Variants in UNC119 observed in about 807,000 individuals in gnomAD.
UNC119 encodes the protein unc-119 lipid binding chaperone.
A neutral mutation model predicts 22.6 loss-of-function variants in UNC119; 15 were observed. The observed-to-expected ratio is 0.66, with a 90% CI of 0.44 to 1.02. UNC119 has a LOEUF of 1.02. Ranked by LOEUF, UNC119 falls within the 50% of genes least tolerant of loss-of-function variation. The pLI is 0.00. For synonymous variants in UNC119, 138 were observed against 139.4 expected (o/e 0.99, Z 0.07); for missense variants, 322 against 336.0 (o/e 0.96, Z 0.33).
In UNC119 at chr17:28,552,348, C is replaced by G; in HGVS notation, c.210G>C (p.Arg70=). 1 of 1,536,766 alleles carries G rather than the reference C, an allele frequency of 6.5e-7. No individual in the cohort carries two copies. Among genetic ancestry groups the G allele is most frequent in the African/African-American group, 1.4e-5 (1 of 73,188 alleles). Residue 70 remains arginine (R), a synonymous_variant, in exon 1 of 5, where the codon CGG becomes CGC. Transcript: ENST00000335765. ...CTCGCGGGTGCTCACCACCGGTGAT[C>G]CGCTGCAGCCCCAGCACGTCCTCCG... ...IGPEDVLGLQ[R]ITGDYLCSPE... is the part of the protein sequence containing the mutation.
chr17:28,547,245 C>T lies in UNC119; in HGVS notation c.*52G>A. ...GTTGAGGGGTGAGCGTTGGGGAGGTCACAGCTCCCAGCCCAGAACTGGAGC... is the reference window on the plus strand; with the variant it reads ...GTTGAGGGGTGAGCGTTGGGGAGGTTACAGCTCCCAGCCCAGAACTGGAGC... On this transcript the variant is annotated 3_prime_UTR_variant, in exon 5 of 5. Transcript: ENST00000335765. 2 of 1,608,342 alleles carry T rather than the reference C, an allele frequency of 1.2e-6. No individual in the cohort carries two copies. The highest frequency in any genetic ancestry group is 1.1e-5 in the South Asian group (1 of 90,522).
At position 28,547,991 on chromosome 17, in the gene UNC119, C is replaced by A. The variant is rs370221268; in HGVS notation, c.437+8G>T. Reference sequence around the variant, plus strand: ...ACCCCCACCACCACCCATAGCCCAGCGACTCACGTGGCTCCCACCTGCCTC... The same window carrying A: ...ACCCCCACCACCACCCATAGCCCAGAGACTCACGTGGCTCCCACCTGCCTC... On this transcript the variant is annotated splice_region_variant and intron_variant, in intron 3 of 4. Coordinates refer to ENST00000335765, the MANE Select transcript of UNC119 (RefSeq NM_005148.4). 2.9e-5 allele frequency: 46 copies of A among 1,613,618 alleles called. No homozygotes were observed. The highest frequency in any genetic ancestry group is 4.0e-5 in the African/African-American group (3 of 74,902).
In UNC119 at chr17:28,552,527, C is replaced by A. The variant is rs1374905051; in HGVS notation, c.31G>T (p.Gly11Trp). Residue 11 changes from glycine (G) to tryptophan (W), a missense_variant, in exon 1 of 5, where the codon GGG (glycine) becomes TGG (tryptophan). Physicochemically the swap from Gly to Trp is radical, Grantham distance 184. Coordinates refer to ENST00000335765, the MANE Select transcript of UNC119 (RefSeq NM_005148.4). MKVKKGGGGAGTATESAPGPS... is the reference protein window; with the variant it reads MKVKKGGGGAWTATESAPGPS... ...CCCGGAGCGGACTCCGTCGCCGTCC[C>A]GGCCCCACCGCCGCCCTTCTTCACC... 1.3e-6 allele frequency: 2 copies of A among 1,546,510 alleles called. No homozygotes were observed. Among genetic ancestry groups the A allele is most frequent in the African/African-American group, 2.8e-5 (2 of 70,516 alleles).
Position 28,548,639 on chromosome 17 carries a change from A to G in UNC119, c.287T>C (p.Met96Thr). 1 of 1,614,216 alleles carries G rather than the reference A, an allele frequency of 6.2e-7. No homozygotes were observed. The highest frequency in any genetic ancestry group is 8.5e-7 in the Non-Finnish European group (1 of 1,180,028). ...TTCAAAGAGGACAGTGCCTGAGTCC[A>G]TGTCCCGAATCTTAAACCTGACAAA... is the stretch of plus-strand genomic sequence containing the variant. ...IDFVRFKIRD[M>T]DSGTVLFEIK... The change falls in exon 2 of 5, where the codon ATG becomes ACG. Residue 96 changes from methionine to threonine, a missense_variant. Met to Thr is a moderately conservative substitution (Grantham distance 81). Transcript: ENST00000335765.
chr17:28,552,304 C>A, intron 1 of UNC119, 34 bp downstream of exon 1: 2 of 1,527,636 alleles, frequency 1.3e-6, no homozygotes, highest in South Asian at 2.4e-5. Context: ...CTCCCCTTCC[C>A]ACCCGCGGGC....
At chr17:28,548,169 CT>C in intron 2 of UNC119, 68 bp from the exon 3 acceptor site, 1 of 1,482,908 alleles carries the variant, frequency 6.7e-7, no homozygotes, top group Non-Finnish European at 9.2e-7. Context: ...GGGTTCTACC[CT>C]TGGGTCCCCA....
In UNC119 at chr17:28,548,048, G is replaced by C; in HGVS notation, c.388C>G (p.Arg130Gly). 1.9e-6 allele frequency: 3 copies of C among 1,613,854 alleles called. No homozygotes were observed. The highest frequency in any genetic ancestry group is 2.5e-6 in the Non-Finnish European group (3 of 1,180,020). ...DLDPNAGRFV[R>G]YQFTPAFLRL... is the part of the protein sequence containing the mutation. ...AGGAAGGCAGGCGTGAACTGGTAGCGGACAAAGCGCCCAGCATTGGGGTCC... is the reference window on the plus strand; with the variant it reads ...AGGAAGGCAGGCGTGAACTGGTAGCCGACAAAGCGCCCAGCATTGGGGTCC... Residue 130 changes from arginine to glycine, a missense_variant, in exon 3 of 5, where the codon CGC becomes GGC. Coordinates refer to ENST00000335765, the MANE Select transcript of UNC119 (RefSeq NM_005148.4).
chr17:28,552,117 G>C (rs1461471703), intron 1 of UNC119: 2 of 710,082 alleles, frequency 2.8e-6, no homozygotes, highest in Non-Finnish European at 5.2e-6. Context: ...AATAAATCTC[G>C]AAAGGGAGAA....
At chr17:28,548,770 G>A (rs2070240609) in intron 1 of UNC119, 65 bp from the exon 2 acceptor site, 4 of 1,312,892 alleles carry the variant, frequency 3.0e-6, no homozygotes, top group African/African-American at 1.5e-5. Flanking sequence ...GTCAGCTTGT[G>A]TGGGACCCCA....
chr17:28,547,452 T>C, intron 4 of UNC119, 43 bp from the exon 5 acceptor site: 1 of 1,602,260 alleles, frequency 6.2e-7, no homozygotes, highest in Non-Finnish European at 8.5e-7. Context: ...GTCAGGAGCT[T>C]GAGTCCCGCC....
Position 28,547,070 on chromosome 17 carries a change from C to T in UNC119, c.*227G>A, listed in dbSNP as rs1309243006. On this transcript the variant is annotated 3_prime_UTR_variant, in exon 5 of 5. Transcript: ENST00000335765. ...TGCTCCTCTCACAGGCCTTCCTAGA[C>T]GTGGAGGCAAACAGCCTCCCTACGA... 1.9e-5 allele frequency: 10 copies of T among 536,068 alleles called. No individual in the cohort carries two copies. Among genetic ancestry groups the T allele is most frequent in the Admixed American group, 5.7e-5 (2 of 34,924 alleles). The allele number at this position is 536,068 out of a possible 1,614,324, so 33.2% of individuals were successfully genotyped here.
At chr17:28,548,766 T>TAC in intron 1 of UNC119, 61 bp from the exon 2 acceptor site, 2 of 1,371,590 alleles carry the variant, frequency 1.5e-6, no homozygotes, top group Non-Finnish European at 2.1e-6. Context: ...CCAGGTCAGC[T>TAC]TGTGTGGGAC....
chr17:28,548,564 C>T (rs2151507935), intron 2 of UNC119, 28 bp downstream of exon 2: 2 of 1,592,314 alleles, frequency 1.3e-6, no homozygotes, highest in African/African-American at 2.7e-5. Flanking sequence ...ATCTGCCTCC[C>T]CATCAATGGC....
At chr17:28,548,275 T>G in intron 2 of UNC119, 174 bp from the exon 3 acceptor site, 1 of 663,340 alleles carries the variant, frequency 1.5e-6, no homozygotes, top group South Asian at 1.9e-5. Context: ...GTTCTAGGTC[T>G]GCATGTTCCC....
Position 28,547,573 on chromosome 17 carries a change from A to G in UNC119, c.610+104T>C, listed in dbSNP as rs755833417. On this transcript the variant is annotated intron_variant, in intron 4 of 4. Transcript: ENST00000335765. ...ATGGTGGCAGACACAGAAGAGCCCC[A>G]GGGTGGGGAGAAATGGGATCAGACC... 3.1e-6 allele frequency: 5 copies of G among 1,607,218 alleles called. No homozygotes were observed. In the African/African-American group the frequency reaches 5.4e-5, roughly 17 times the overall value.
chr17:28,552,249 G>A, intron 1 of UNC119, 89 bp downstream of exon 1: 1 of 1,254,362 alleles, frequency 8.0e-7, no homozygotes, highest in Non-Finnish European at 1.1e-6. Flanking sequence ...CGGGAAAGGG[G>A]GCGGGGGCCA....
chr17:28,548,517 C>A, intron 2 of UNC119, 75 bp downstream of exon 2: 1 of 1,290,460 alleles, frequency 7.7e-7, no homozygotes. Flanking sequence ...TCCTCTGTGG[C>A]CCAAGGATTC....
intron 1 of UNC119, chr17:28,550,901 G>A (rs972034922): frequency 6.6e-6 from 1 of 152,264 alleles, no homozygotes; most frequent in East Asian, 1.9e-4. Flanking sequence ...GTCTGAGAAA[G>A]TTCTGCCCCA....
chr17:28,550,568 T>C (rs1208750181), intron 1 of UNC119: 1 of 152,250 alleles, frequency 6.6e-6, no homozygotes, highest in Non-Finnish European at 1.5e-5. Flanking sequence ...AGAACACAAC[T>C]GCTCTATTCC....
Sources: allele counts gnomAD v4.1 joint callset, GRCh38; gene constraint gnomAD v4.1.1; transcripts MANE v1.5; gene names NCBI Gene and HGNC (gene_info 2026-07-23, HGNC 2026-07-21).